The following GPHN variants were observed in gnomAD, a reference collection of about 807,000 sequenced individuals.
The protein encoded by GPHN is gephyrin.
GPHN carries 17 observed loss-of-function variants against 95.5 expected under a neutral mutation model. That is an observed-to-expected ratio of 0.18 (90% CI 0.12 to 0.27). The LOEUF (loss-of-function observed/expected upper bound fraction) is 0.27. GPHN is among the 10% of genes least tolerant of loss of function. The pLI, the probability that GPHN is intolerant of heterozygous loss-of-function variation, is 1.00. For missense variants in GPHN, 660 were observed against 978.1 expected (o/e 0.67, Z 4.34); for synonymous variants, 320 against 322.5 (o/e 0.99, Z 0.08).
chr14:67,720,131 A>G, the GPHN span, among the ~76,000 whole-genome samples: 1 of 152,254 alleles, frequency 6.6e-6, no homozygotes, highest in Non-Finnish European at 1.5e-5. Flanking sequence ...CTGATAAGTG[A>G]AAAGTGGCTC....
intron 4 of GPHN, among the ~76,000 whole-genome samples, chr14:66,862,001 T>G (rs563341127): frequency 6.6e-6 from 1 of 152,044 alleles, no homozygotes; most frequent in South Asian, 2.1e-4. Context: ...AGAACAGAGA[T>G]AAATGAATTT....
intron 5 of GPHN, among the ~76,000 whole-genome samples, chr14:66,914,279 T>C (rs558643741): frequency 5.9e-5 from 9 of 152,236 alleles, no homozygotes; most frequent in Admixed American, 2.0e-4. Context: ...TAAAAAGAAT[T>C]AACTAAGTTT....
Position 66,922,898 on chromosome 14 carries a change from G to T in GPHN, c.689G>T (p.Ser230Ile), listed in dbSNP as rs764464049. 6.2e-7 allele frequency: 1 copy of T among 1,613,444 alleles called. No homozygotes were observed. Among genetic ancestry groups the T allele is most frequent in the Non-Finnish European group, 8.5e-7 (1 of 1,179,808 alleles). The part of the protein sequence containing the change: ...KDSGVASTED[S>I]SSSHITAAAI... ...AGTGGTGTTGCTTCAACAGAAGATA[G>T]TTCCTCATCACATATAACTGCAGCA... Residue 230 changes from serine to isoleucine, a missense_variant, in exon 7 of 23, where the codon AGT becomes ATT. Ser to Ile is a moderately radical substitution (Grantham distance 142). This residue lies in a region of GPHN where 190 missense variants were observed against 224.7 expected (regional missense o/e 0.85). Transcript: ENST00000478722.
At chr14:67,010,160 G>A (rs1461665201) in intron 9 of GPHN, among the ~76,000 whole-genome samples, 1 of 152,104 alleles carries the variant, frequency 6.6e-6, no homozygotes, top group African/African-American at 2.4e-5. Context: ...CTCCTCCCAT[G>A]TTAACTGCTA....
chr14:67,356,237 T>C, the GPHN span, among the ~76,000 whole-genome samples: 11 of 152,032 alleles, frequency 7.2e-5, no homozygotes, highest in African/African-American at 2.2e-4. Flanking sequence ...CTGGCCAACA[T>C]AGTGAAACCC....
At chr14:67,198,287 A>T in the GPHN span, 1 of 1,613,810 alleles carries the variant, frequency 6.2e-7, no homozygotes, top group Middle Eastern at 1.6e-4. Context: ...CCCCTTTTGT[A>T]TCTCCTCCCA....
At position 67,141,791 on chromosome 14, in the gene GPHN, C is replaced by A. The variant is rs535211546; in HGVS notation, c.1749-1571C>A. ...TCAAGTTCTGCCTACCTCTGTCACACCTGGATAAAAATTGAAATTATATCC... is the reference window on the plus strand; with the variant it reads ...TCAAGTTCTGCCTACCTCTGTCACAACTGGATAAAAATTGAAATTATATCC... On this transcript the variant is annotated intron_variant, in intron 17 of 22. Transcript: ENST00000478722. 1.5e-3 allele frequency among the ~76,000 whole-genome samples: 231 copies of A among 152,270 alleles called. 3 individuals carry two copies. Among genetic ancestry groups the A allele is most frequent in the Admixed American group, 5.2e-3 (80 of 15,292 alleles).
At chr14:67,223,661 T>C in the GPHN span, 1 of 890,350 alleles carries the variant, frequency 1.1e-6, no homozygotes, top group South Asian at 5.2e-5. Context: ...TTCCACAAAG[T>C]ATTAATTATT....
the GPHN span, chr14:67,317,354 T>C: frequency 0.075 from 105,177 of 1,401,750 alleles, 12,021 homozygotes; most frequent in East Asian, 0.41. Flanking sequence ...ATTTGAGTTA[T>C]GTGGTTTTGT....
intron 1 of GPHN, among the ~76,000 whole-genome samples, chr14:66,610,879 T>C (rs2062751727): frequency 6.6e-6 from 1 of 152,122 alleles, no homozygotes; most frequent in Non-Finnish European, 1.5e-5. Flanking sequence ...GATTTTTTTC[T>C]GAAGACAGGC....
At chr14:67,347,860 G>C in the GPHN span, among the ~76,000 whole-genome samples, 5 of 151,690 alleles carry the variant, frequency 3.3e-5, no homozygotes, top group African/African-American at 1.2e-4. Context: ...CAAAAATCAA[G>C]AGCTTAAGTA....
the GPHN span, among the ~76,000 whole-genome samples, chr14:67,500,761 C>T: frequency 7.9e-5 from 12 of 151,604 alleles, no homozygotes; most frequent in East Asian, 1.6e-3. Context: ...TTACTAGAGA[C>T]GGGGTTTCAC....
At chr14:67,702,771 T>C in the GPHN span, among the ~76,000 whole-genome samples, 1 of 152,216 alleles carries the variant, frequency 6.6e-6, no homozygotes, top group African/African-American at 2.4e-5. Context: ...TAAACACATC[T>C]AAACACACAT....
At chr14:66,896,697 G>A (rs1249108939) in intron 5 of GPHN, among the ~76,000 whole-genome samples, 1 of 151,814 alleles carries the variant, frequency 6.6e-6, no homozygotes, top group Non-Finnish European at 1.5e-5. Context: ...ACTTATTAGG[G>A]TAATCACTAA....
intron 2 of GPHN, among the ~76,000 whole-genome samples, chr14:66,707,564 A>G (rs181619476): frequency 1.3e-4 from 20 of 152,266 alleles, no homozygotes; most frequent in Non-Finnish European, 2.4e-4. Flanking sequence ...TTAACGTGGG[A>G]ACAGAAAACC....
the GPHN span, chr14:67,583,781 C>CT: frequency 6.2e-7 from 1 of 1,612,588 alleles, no homozygotes. Flanking sequence ...CTGCCAGGCC[C>CT]TGGAGGCACA....
the GPHN span, chr14:67,223,693 T>C: frequency 1.0e-6 from 1 of 959,964 alleles, no homozygotes; most frequent in African/African-American, 1.8e-5. Context: ...TTTTCTCTTA[T>C]GTATTTCTTA....
intron 10 of GPHN, among the ~76,000 whole-genome samples, chr14:67,050,674 C>G (rs575031316): frequency 2.4e-4 from 36 of 151,906 alleles, no homozygotes; most frequent in Admixed American, 9.8e-4. Context: ...GAAAAAAAAA[C>G]AAGGAGGGGC....
chr14:67,710,942 A>G, the GPHN span, among the ~76,000 whole-genome samples: 1 of 152,210 alleles, frequency 6.6e-6, no homozygotes, highest in Non-Finnish European at 1.5e-5. Context: ...ATTTAAAATT[A>G]TGGAACCACC....
Sources: gnomAD v4.1 joint callset for allele counts (sites outside exome capture counted in the v4.1 genomes callset) on GRCh38, gnomAD v4.1.1 for gene constraint, gnomAD v4.1.1 regional missense constraint, MANE v1.5 for transcripts, NCBI Gene and HGNC (gene_info 2026-07-23, HGNC 2026-07-21) for gene names.